Variants in CYP2C18 observed in about 807,000 individuals in gnomAD.
The protein encoded by CYP2C18 is cytochrome P450 family 2 subfamily C member 18.
In CYP2C18, 38 loss-of-function variants were observed where a neutral mutation model predicts 41.3. The ratio of observed to expected loss-of-function variants is 0.92; its 90% CI spans 0.71 to 1.21. CYP2C18 has a LOEUF of 1.21. Ranked by LOEUF, CYP2C18 falls within the 50% of genes most tolerant of loss-of-function variation. CYP2C18 has a pLI of 0.00. For missense variants in CYP2C18, 635 were observed against 591.4 expected, an observed-to-expected ratio of 1.07 and a Z score of -0.77; for synonymous variants, 236 against 210.0, an observed-to-expected ratio of 1.12 and a Z score of -1.07.
intron 8 of CYP2C18, 105 bp from the exon 9 acceptor site, chr10:94,735,158 T>C: frequency 1.7e-6 from 2 of 1,168,348 alleles, no homozygotes; most frequent in Non-Finnish European, 2.5e-6. Flanking sequence ...CTGCCTTCGA[T>C]CCATCCATCT....
chr10:94,702,199 A>G (rs773512520), intron 4 of CYP2C18, among the ~76,000 whole-genome samples: 9 of 152,050 alleles, frequency 5.9e-5, no homozygotes, highest in Non-Finnish European at 1.2e-4. Context: ...GGTGCATATG[A>G]TGATTGTGTG....
At chr10:94,724,759 T>C (rs1182985545) in intron 7 of CYP2C18, among the ~76,000 whole-genome samples, 3 of 66,914 alleles carry the variant, frequency 4.5e-5, no homozygotes, top group Middle Eastern at 0.011. Flanking sequence ...TTCTTTAGTA[T>C]TTTTTTTTTG....
chr10:94,715,109 A>G (rs1309053805), intron 5 of CYP2C18, among the ~76,000 whole-genome samples: 1 of 152,194 alleles, frequency 6.6e-6, no homozygotes, highest in Non-Finnish European at 1.5e-5. Flanking sequence ...TAAATATACA[A>G]TCATGTCATC....
Position 94,720,405 on chromosome 10 carries a change from A to T in CYP2C18, c.829A>T (p.Asn277Tyr). 6.2e-7 allele frequency: 1 copy of T among 1,606,276 alleles called. No homozygotes were observed. The highest frequency in any genetic ancestry group is 8.5e-7 in the Non-Finnish European group (1 of 1,177,624). The change falls in exon 6 of 9, where the codon AAT (asparagine) becomes TAT (tyrosine). Residue 277 changes from asparagine to tyrosine, a missense_variant. Physicochemically the swap from Asn to Tyr is moderately radical, Grantham distance 143 (BLOSUM62 -2). Coordinates refer to ENST00000285979, the MANE Select transcript of CYP2C18 (RefSeq NM_000772.3). ...FLIKMEQEKH[N>Y]QQSEFTVESL... is the part of the protein sequence containing the mutation. ...TGAAATAATTTTTTAGGAAAAGCAC[A>T]ATCAACAGTCTGAATTTACTGTTGA... is the stretch of plus-strand genomic sequence containing the variant.
In CYP2C18 at chr10:94,703,800, G is replaced by A. The variant is rs185149455; in HGVS notation, c.643-2984G>A. ...GGGGTATGAAAAAAAGACTTTTGTAGCTAGCTTGGTGTCTGGCCAAGTGGC... is the reference window on the plus strand; with the variant it reads ...GGGGTATGAAAAAAAGACTTTTGTAACTAGCTTGGTGTCTGGCCAAGTGGC... On this transcript the variant is annotated intron_variant, in intron 4 of 8. Transcript: ENST00000285979. Among the ~76,000 whole-genome samples, 41 of 152,308 alleles carry A rather than the reference G, an allele frequency of 2.7e-4. 1 individual carries two copies. The highest frequency in any genetic ancestry group is 2.9e-5 in the Non-Finnish European group (2 of 68,022).
At chr10:94,699,760 A>G (rs1847197763) in intron 4 of CYP2C18, among the ~76,000 whole-genome samples, 1 of 152,228 alleles carries the variant, frequency 6.6e-6, no homozygotes, top group Non-Finnish European at 1.5e-5. Context: ...CCTTAAGCTG[A>G]CAAGCAACTT....
intron 5 of CYP2C18, among the ~76,000 whole-genome samples, chr10:94,718,795 A>G (rs978249250): frequency 6.6e-6 from 1 of 152,148 alleles, no homozygotes; most frequent in Non-Finnish European, 1.5e-5. Flanking sequence ...AGACTCCTGT[A>G]TACTTAGTCC....
chr10:94,716,490 TTTTGGGTGAG>T (rs1265865345), intron 5 of CYP2C18, among the ~76,000 whole-genome samples: 1 of 152,184 alleles, frequency 6.6e-6, no homozygotes, highest in African/African-American at 2.4e-5. Context: ...AATTGAGTGG[TTTTGGGTGAG>T]TTTCTTAATT....
intron 7 of CYP2C18, among the ~76,000 whole-genome samples, chr10:94,732,527 T>C (rs1847851208): frequency 1.3e-5 from 2 of 152,012 alleles, no homozygotes; most frequent in South Asian, 4.1e-4. Flanking sequence ...AACTTGTATA[T>C]TCATTACAAC....
At chr10:94,689,720 A>G (rs1369599376) in intron 3 of CYP2C18, among the ~76,000 whole-genome samples, 3 of 152,170 alleles carry the variant, frequency 2.0e-5, no homozygotes, top group Admixed American at 2.0e-4. Flanking sequence ...ACAAGAAAAA[A>G]GGTCCGTACA....
At chr10:94,709,418 A>G (rs1365441438) in intron 5 of CYP2C18, among the ~76,000 whole-genome samples, 1 of 152,190 alleles carries the variant, frequency 6.6e-6, no homozygotes. Flanking sequence ...ATAAAAGTAT[A>G]TTCAGACCTT....
At chr10:94,720,888 C>A (rs539328352) in intron 6 of CYP2C18, among the ~76,000 whole-genome samples, 1 of 152,282 alleles carries the variant, frequency 6.6e-6, no homozygotes, top group East Asian at 1.9e-4. Context: ...TTCTAAAGAA[C>A]AGACCACTTT....
chr10:94,733,220 G>A (rs1296328462), intron 7 of CYP2C18, 77 bp from the exon 8 acceptor site: 3 of 1,368,078 alleles, frequency 2.2e-6, no homozygotes, highest in Admixed American at 1.9e-5. Flanking sequence ...AAAAGAGATT[G>A]GACTAGGTGA....
At chr10:94,688,545 C>T in intron 3 of CYP2C18, among the ~76,000 whole-genome samples, 1 of 152,072 alleles carries the variant, frequency 6.6e-6, no homozygotes, top group East Asian at 1.9e-4. Context: ...TAATGACATC[C>T]CTGGAAACCT....
chr10:94,723,172 A>T (rs1847675544), intron 6 of CYP2C18, among the ~76,000 whole-genome samples: 1 of 152,134 alleles, frequency 6.6e-6, no homozygotes, highest in African/African-American at 2.4e-5. Context: ...TTGGCAAAAA[A>T]TTTTTGCCCT....
At chr10:94,723,409 A>G (rs1221225126) in intron 6 of CYP2C18, among the ~76,000 whole-genome samples, 6 of 152,132 alleles carry the variant, frequency 3.9e-5, no homozygotes, top group Admixed American at 3.3e-4. Flanking sequence ...AAGTTGATTG[A>G]TTATTTGATT....
chr10:94,693,256 C>T (rs544128289), intron 3 of CYP2C18, among the ~76,000 whole-genome samples: 2 of 152,012 alleles, frequency 1.3e-5, no homozygotes, highest in Admixed American at 1.3e-4. Context: ...TTAGTACCAT[C>T]CCTTTTGGTA....
chr10:94,701,678 A>T lies in CYP2C18; in HGVS notation c.643-5106A>T, dbSNP rs1160524644. 2.0e-5 allele frequency among the ~76,000 whole-genome samples: 3 copies of T among 152,208 alleles called. No individual in the cohort carries two copies. The East Asian group carries it at 5.8e-4, about 29-fold the overall frequency. On this transcript the variant is annotated intron_variant, in intron 4 of 8. Coordinates refer to ENST00000285979, the MANE Select transcript of CYP2C18 (RefSeq NM_000772.3). ...TCTACCACACAGTCTCAGAGTGTAC[A>T]CAGTTGTTCCCAGTTTCCCATGATT...
At position 94,692,854 on chromosome 10, in the gene CYP2C18, A is replaced by C. The variant is rs561361042; in HGVS notation, c.482-2063A>C. On this transcript the variant is annotated intron_variant, in intron 3 of 8. Coordinates refer to ENST00000285979, the MANE Select transcript of CYP2C18 (RefSeq NM_000772.3). ...TACTATGCAGCCATAAAAAATGATG[A>C]GTTCATGTCCTTTGTAAGGACATGA... Among the ~76,000 whole-genome samples, 631 of 152,282 alleles carry C rather than the reference A, an allele frequency of 4.1e-3. 3 individuals carry two copies. Among genetic ancestry groups the C allele is most frequent in the African/African-American group, 0.014 (574 of 41,546 alleles).
Sources: gnomAD v4.1 joint callset for allele counts (sites outside exome capture counted in the v4.1 genomes callset) on GRCh38, gnomAD v4.1.1 for gene constraint, MANE v1.5 for transcripts, NCBI Gene and HGNC (gene_info 2026-07-23, HGNC 2026-07-21) for gene names.